Variants in ERC1 observed in about 807,000 individuals in gnomAD.
ERC1 encodes the protein ELKS/RAB6-interacting/CAST family member 1.
ERC1 carries 56 observed loss-of-function variants against 132.0 expected under a neutral mutation model. That is an observed-to-expected ratio of 0.42 (90% confidence interval 0.34 to 0.53). The LOEUF is 0.53. Among genes scored for constraint, ERC1 ranks in the 20% least tolerant of loss-of-function variants. ERC1 has a pLI of 0.03. For missense variants in ERC1, 1,202 were observed against 1,349.9 expected (o/e 0.89, Z 1.72); for synonymous variants, 478 against 476.1 (o/e 1.00, Z -0.05).
In ERC1 at chr12:1,341,069, C is replaced by CTT. The variant is rs35902573; in HGVS notation, c.2781-30723_2781-30722dup. 1.6e-3 allele frequency among the ~76,000 whole-genome samples: 101 copies of CTT among 63,104 alleles called. 14 individuals are homozygous for CTT. Among genetic ancestry groups the CTT allele is most frequent in the East Asian group, 9.5e-3 (13 of 1,370 alleles). 41.4% of individuals were successfully genotyped at this position (63,104 alleles called of 152,430 possible). On this transcript the variant is annotated intron_variant, in intron 15 of 18. Transcript: ENST00000360905. ...AATGTCCACTTATTCTTTTCTTTTT[C>CTT]TTTTTTTTTTTTTTTTTTTTTTTTT...
At chr12:1,127,004 A>AAAAAAAAAAAC in intron 7 of ERC1, among the ~76,000 whole-genome samples, 1 of 102,950 alleles carries the variant, frequency 9.7e-6, no homozygotes, top group Non-Finnish European at 2.2e-5. Flanking sequence ...AAAAAAAAAA[A>AAAAAAAAAAAC]AAAAAAAAAC....
At chr12:1,360,531 C>T (rs560255162) in intron 15 of ERC1, among the ~76,000 whole-genome samples, 23 of 152,290 alleles carry the variant, frequency 1.5e-4, no homozygotes, top group African/African-American at 5.3e-4. Flanking sequence ...AAACCTATCA[C>T]TCTGATTCAT....
intron 16 of ERC1, among the ~76,000 whole-genome samples, chr12:1,396,400 A>G (rs1481492664): frequency 6.6e-6 from 1 of 152,204 alleles, no homozygotes; most frequent in Admixed American, 6.5e-5. Context: ...TGGAAAATTG[A>G]TTCTTGAATT....
At chr12:1,402,918 T>G (rs985544981) in intron 16 of ERC1, among the ~76,000 whole-genome samples, 10 of 152,290 alleles carry the variant, frequency 6.6e-5, no homozygotes, top group African/African-American at 2.4e-4. Flanking sequence ...ACTCTCAGAT[T>G]TTTTTTATCA....
At chr12:1,294,578 G>A (rs2079767904) in intron 15 of ERC1, among the ~76,000 whole-genome samples, 1 of 152,154 alleles carries the variant, frequency 6.6e-6, no homozygotes, top group Non-Finnish European at 1.5e-5. Flanking sequence ...ACAAAAGGAA[G>A]GAAGTGAGAT....
rs183263359 is a variant in ERC1, at chr12:1,285,495, G to T, written c.2620-4357G>T. On this transcript the variant is annotated intron_variant, in intron 14 of 18. Transcript: ENST00000360905. ...AATATTTATTTTAGAATGATAGAGG[G>T]TTCACAACTACTAGTCTTGTAGGTG... is the stretch of plus-strand genomic sequence containing the variant. Among the ~76,000 whole-genome samples the T allele has an allele frequency of 1.8e-3, 270 of 152,208 alleles. 1 individual carries two copies. The highest frequency in any genetic ancestry group is 4.7e-3 in the Admixed American group (72 of 15,284).
At chr12:1,381,647 T>C (rs1363246960) in intron 16 of ERC1, among the ~76,000 whole-genome samples, 1 of 152,238 alleles carries the variant, frequency 6.6e-6, no homozygotes, top group East Asian at 1.9e-4. Flanking sequence ...ATCAACTAGA[T>C]TGTTCCTACT....
Position 1,301,648 on chromosome 12 carries a change from T to A in ERC1, c.2780+11636T>A, listed in dbSNP as rs2154345320. ...ACCCATAGAGGGGAACAACAGACTC[T>A]GAGGTCTATTGGAGGGTGGAGAGTG... On this transcript the variant is annotated intron_variant, in intron 15 of 18. Coordinates refer to ENST00000360905, the MANE Select transcript of ERC1 (RefSeq NM_178040.4). Among the ~76,000 whole-genome samples, 3 of 152,164 alleles carry A rather than the reference T, an allele frequency of 2.0e-5. No individual in the cohort carries two copies. The South Asian group carries it at 6.2e-4, about 32-fold the overall frequency.
At chr12:1,448,878 C>T (rs564251430) in intron 18 of ERC1, among the ~76,000 whole-genome samples, 4 of 152,314 alleles carry the variant, frequency 2.6e-5, no homozygotes, top group African/African-American at 4.8e-5. Context: ...CACCTTGCGC[C>T]GGGAAAAGCT....
At chr12:1,368,104 A>T (rs1042506153) in intron 15 of ERC1, among the ~76,000 whole-genome samples, 8 of 152,006 alleles carry the variant, frequency 5.3e-5, no homozygotes, top group African/African-American at 1.9e-4. Context: ...ATTACTCCCT[A>T]GGGACTCATG....
intron 15 of ERC1, among the ~76,000 whole-genome samples, chr12:1,361,217 A>G (rs1035156704): frequency 7.4e-6 from 1 of 134,950 alleles, no homozygotes; most frequent in Non-Finnish European, 1.5e-5. Context: ...GCCTGTTTTC[A>G]TGGACACAGG....
intron 17 of ERC1, among the ~76,000 whole-genome samples, chr12:1,426,229 A>C (rs963137451): frequency 6.6e-6 from 1 of 150,526 alleles, no homozygotes; most frequent in Non-Finnish European, 1.5e-5. Flanking sequence ...TCAGCCTCCC[A>C]GGTAGCTGGG....
At chr12:1,175,576 C>T (rs181297147) in intron 8 of ERC1, among the ~76,000 whole-genome samples, 14 of 150,892 alleles carry the variant, frequency 9.3e-5, no homozygotes, top group Admixed American at 3.3e-4. Flanking sequence ...TATTGTTGCC[C>T]GGGCTGGAGT....
intron 15 of ERC1, among the ~76,000 whole-genome samples, chr12:1,333,329 CAT>C (rs1491231999): frequency 5.9e-5 from 8 of 135,804 alleles, no homozygotes; most frequent in Non-Finnish European, 3.1e-5. Context: ...ATATGTACCG[CAT>C]TTTTTTTTTT....
intron 18 of ERC1, among the ~76,000 whole-genome samples, chr12:1,449,831 A>AT (rs551818801): frequency 1.3e-5 from 2 of 150,944 alleles, no homozygotes; most frequent in South Asian, 4.2e-4. Context: ...TGTTTCATCT[A>AT]TTTTTTTCCT....
At chr12:1,438,853 G>C (rs1165424030) in intron 17 of ERC1, among the ~76,000 whole-genome samples, 1 of 152,036 alleles carries the variant, frequency 6.6e-6, no homozygotes, top group Non-Finnish European at 1.5e-5. Context: ...TAAGGTAGGA[G>C]AATCGCTGAG....
chr12:1,408,691 A>G (rs756974492), intron 17 of ERC1, among the ~76,000 whole-genome samples: 9 of 152,216 alleles, frequency 5.9e-5, no homozygotes, highest in Non-Finnish European at 1.0e-4. Flanking sequence ...TCTGCTCATT[A>G]CCTATTAAAA....
intron 15 of ERC1, among the ~76,000 whole-genome samples, chr12:1,360,763 A>G (rs2086012285): frequency 6.6e-6 from 1 of 152,198 alleles, no homozygotes; most frequent in South Asian, 2.1e-4. Context: ...GGAAGCAGCT[A>G]GATAACTTTT....
intron 2 of ERC1, among the ~76,000 whole-genome samples, chr12:1,052,740 A>C (rs886868518): frequency 6.6e-6 from 1 of 152,094 alleles, no homozygotes; most frequent in Non-Finnish European, 1.5e-5. Flanking sequence ...GAGGCGGAGG[A>C]GGGCGGATCA....
Sources: gnomAD v4.1 joint callset for allele counts (sites outside exome capture counted in the v4.1 genomes callset) on GRCh38, gnomAD v4.1.1 for gene constraint, MANE v1.5 for transcripts, NCBI Gene and HGNC (gene_info 2026-07-23, HGNC 2026-07-21) for gene names.